The following SNX27 variants were observed in gnomAD, a reference collection of about 807,000 sequenced individuals.
SNX27 encodes sorting nexin 27.
In SNX27, 22 loss-of-function variants were observed where a neutral mutation model predicts 71.6. The ratio of observed to expected loss-of-function variants is 0.31; its 90% CI spans 0.22 to 0.44. The LOEUF is 0.44. Among genes scored for constraint, SNX27 ranks in the 20% least tolerant of loss-of-function variants. The pLI, the probability that SNX27 is intolerant of heterozygous loss-of-function variation, is 1.00. For synonymous variants in SNX27, 269 were observed against 277.2 expected (o/e 0.97, Z 0.29); for missense variants, 531 against 698.6 (o/e 0.76, Z 2.70).
intron 7 of SNX27, among the ~76,000 whole-genome samples, chr1:151,675,039 TA>T (rs1670617945): frequency 6.6e-6 from 1 of 152,190 alleles, no homozygotes; most frequent in Non-Finnish European, 1.5e-5. Flanking sequence ...TAGCCACATC[TA>T]CCACCTCTCC....
intron 1 of SNX27, among the ~76,000 whole-genome samples, chr1:151,628,067 T>G (rs1668028584): frequency 6.7e-6 from 1 of 149,716 alleles, no homozygotes; most frequent in African/African-American, 2.5e-5. Context: ...AGTGCAGTGG[T>G]GCAATCTTGG....
intron 7 of SNX27, among the ~76,000 whole-genome samples, chr1:151,674,507 A>G (rs1028276789): frequency 1.3e-5 from 2 of 152,074 alleles, no homozygotes; most frequent in African/African-American, 4.8e-5. Flanking sequence ...TTTTCAAACC[A>G]TGTTTCCCAG....
At chr1:151,625,377 G>A (rs1189759435) in intron 1 of SNX27, among the ~76,000 whole-genome samples, 1 of 151,672 alleles carries the variant, frequency 6.6e-6, no homozygotes, top group African/African-American at 2.4e-5. Flanking sequence ...GTGGTGGCAT[G>A]CACCTGTAAT....
Position 151,615,327 on chromosome 1 carries a change from G to C in SNX27, c.311+2815G>C, listed in dbSNP as rs189507834. Among the ~76,000 whole-genome samples the C allele has an allele frequency of 7.6e-4, 115 of 151,770 alleles. 2 individuals carry two copies. The East Asian group carries it at 0.015, about 19-fold the overall frequency. Reference sequence around the variant, plus strand: ...GCCAAGCTAGTGGTACATTCTGTGAGACCCCAACTATACAGTGTCTTTCTC... The same window carrying C: ...GCCAAGCTAGTGGTACATTCTGTGACACCCCAACTATACAGTGTCTTTCTC... On this transcript the variant is annotated intron_variant, in intron 1 of 11. Transcript: ENST00000458013.
At chr1:151,673,757 T>A (rs1316456041) in intron 7 of SNX27, among the ~76,000 whole-genome samples, 1 of 152,228 alleles carries the variant, frequency 6.6e-6, no homozygotes, top group Non-Finnish European at 1.5e-5. Flanking sequence ...TTACATCCTC[T>A]TGCTGAACTG....
intron 2 of SNX27, among the ~76,000 whole-genome samples, chr1:151,649,061 C>T (rs555642082): frequency 1.3e-5 from 2 of 151,656 alleles, no homozygotes; most frequent in Admixed American, 1.3e-4. Context: ...CTCCTGGGTT[C>T]AAGCAATTCT....
In SNX27 at chr1:151,692,638, C is replaced by A. The variant is rs1200249097; in HGVS notation, c.1389+54C>A. On this transcript the variant is annotated intron_variant, in intron 9 of 11. Coordinates refer to ENST00000458013, the MANE Select transcript of SNX27 (RefSeq NM_001330723.2). ...CGAGGACTGGAGATACTTTGATGCT[C>A]ACTTGCTTGTGACGTTTTAATTCCA... 5 of 1,578,956 alleles carry A rather than the reference C, an allele frequency of 3.2e-6. No individual in the cohort carries two copies. The African/African-American group carries it at 6.8e-5, about 22-fold the overall frequency.
intron 2 of SNX27, 77 bp from the exon 3 acceptor site, chr1:151,658,158 C>T: frequency 7.3e-7 from 1 of 1,373,594 alleles, no homozygotes; most frequent in South Asian, 1.4e-5. Flanking sequence ...TAACCAATAT[C>T]ATCTAAGCCT....
intron 7 of SNX27, among the ~76,000 whole-genome samples, chr1:151,673,854 CTTCTG>C (rs1670549783): frequency 6.6e-6 from 1 of 152,106 alleles, no homozygotes; most frequent in South Asian, 2.1e-4. Flanking sequence ...AGTATAGCTA[CTTCTG>C]TTCTGTTTTG....
intron 6 of SNX27, chr1:151,666,599 T>C (rs1558063098): frequency 1.3e-5 from 2 of 152,200 alleles, no homozygotes. Context: ...CTGAATGACA[T>C]AGATTTCCTA....
chr1:151,657,886 A>G (rs1240840929), intron 2 of SNX27, among the ~76,000 whole-genome samples: 2 of 152,076 alleles, frequency 1.3e-5, no homozygotes, highest in Non-Finnish European at 2.9e-5. Context: ...CTGTAATCCC[A>G]GCTATTCAGG....
chr1:151,643,264 T>TTTATTTATTTA (rs1668864642), intron 2 of SNX27, among the ~76,000 whole-genome samples: 7 of 139,110 alleles, frequency 5.0e-5, no homozygotes. Flanking sequence ...ACGCCTGGCC[T>TTTATTTATTTA]TTTATTTATT....
At chr1:151,638,803 CTG>C in intron 1 of SNX27, 83 bp from the exon 2 acceptor site, 1 of 1,222,086 alleles carries the variant, frequency 8.2e-7, no homozygotes. Flanking sequence ...CCGTGTGACA[CTG>C]GAGTTTGGGC....
intron 2 of SNX27, among the ~76,000 whole-genome samples, chr1:151,649,119 G>A (rs1330174365): frequency 2.6e-5 from 4 of 151,212 alleles, no homozygotes; most frequent in South Asian, 2.1e-4. Flanking sequence ...CCGCCACCAC[G>A]CCCAGCTAAT....
At chr1:151,618,189 G>A (rs558023216) in intron 1 of SNX27, among the ~76,000 whole-genome samples, 14 of 152,052 alleles carry the variant, frequency 9.2e-5, no homozygotes, top group African/African-American at 1.7e-4. Context: ...TCATATAAAC[G>A]TCGATAGTGG....
chr1:151,615,522 A>T, intron 1 of SNX27: 1 of 179,894 alleles, frequency 5.6e-6, no homozygotes, highest in Non-Finnish European at 1.1e-5. Context: ...AGCATTTTTT[A>T]GGCAATACTC....
intron 1 of SNX27, among the ~76,000 whole-genome samples, chr1:151,625,184 G>C (rs1891588): frequency 0.41 from 61,637 of 151,838 alleles, 14,330 homozygotes; most frequent in Non-Finnish European, 0.55. Context: ...TTTGCCCAGT[G>C]TTAAATTTTT....
At position 151,662,396 on chromosome 1, in the gene SNX27, T is replaced by A; in HGVS notation, c.906+126T>A. 3 of 541,064 alleles carry A rather than the reference T, an allele frequency of 5.5e-6. No individual in the cohort carries two copies. The South Asian group carries it at 7.2e-5, about 13-fold the overall frequency. The allele number at this position is 541,064 out of a possible 1,614,324, so 33.5% of individuals were successfully genotyped here. A position where few individuals can be genotyped will look rare whatever the true frequency, so the allele number is the denominator to read the frequency against. ...CATAATCCGTTTATTAAATGTTAGC[T>A]ACTATTGTTATTATTAATGTGAAAG... On this transcript the variant is annotated intron_variant, in intron 5 of 11. Coordinates refer to ENST00000458013, the MANE Select transcript of SNX27 (RefSeq NM_001330723.2).
intron 7 of SNX27, among the ~76,000 whole-genome samples, chr1:151,671,853 G>A (rs918710146): frequency 2.0e-5 from 3 of 151,748 alleles, no homozygotes; most frequent in Admixed American, 6.6e-5. Flanking sequence ...TGTTGATTTT[G>A]TATCCTGCAA....
Sources: gnomAD v4.1 joint callset for allele counts (sites outside exome capture counted in the v4.1 genomes callset) on GRCh38, gnomAD v4.1.1 for gene constraint, MANE v1.5 for transcripts, NCBI Gene and HGNC (gene_info 2026-07-23, HGNC 2026-07-21) for gene names.